The following KLHL32 variants were observed in gnomAD, a reference collection of about 807,000 sequenced individuals.
The protein encoded by KLHL32 is kelch-like protein 32.
KLHL32 carries 35 observed loss-of-function variants against 64.8 expected under a neutral mutation model. The observed-to-expected ratio is 0.54, with a 90% CI of 0.41 to 0.72. The LOEUF is 0.72. Ranked by LOEUF, KLHL32 falls within the 30% of genes least tolerant of loss-of-function variation. The pLI is 0.00. For missense variants in KLHL32, 589 were observed against 768.5 expected, an observed-to-expected ratio of 0.77 and a Z score of 2.76; for synonymous variants, 259 against 281.0, an observed-to-expected ratio of 0.92 and a Z score of 0.78.
chr6:97,120,005 C>T (rs1172342476), intron 7 of KLHL32, among the ~76,000 whole-genome samples: 1 of 151,890 alleles, frequency 6.6e-6, no homozygotes, highest in Non-Finnish European at 1.5e-5. Flanking sequence ...GCAAGTGCAC[C>T]GAGCATATAT....
chr6:97,132,724 A>G lies in KLHL32; in HGVS notation c.1678A>G (p.Asn560Asp), dbSNP rs751577682. 29 of 1,612,810 alleles carry G rather than the reference A, an allele frequency of 1.8e-5. 1 individual carries two copies. The highest frequency in any genetic ancestry group is 4.0e-5 in the African/African-American group (3 of 74,878). Residue 560 changes from asparagine (N) to aspartate (D), a missense_variant, in exon 10 of 11, where the codon AAT (asparagine) becomes GAT (aspartate). Asn to Asp is a conservative substitution (Grantham distance 23). Transcript: ENST00000369261. ...AGTTGGTGGATATTCAATTTGGACAAATGAGCCTCTGGCTTGTATCCAGGT... is the reference window on the plus strand; with the variant it reads ...AGTTGGTGGATATTCAATTTGGACAGATGAGCCTCTGGCTTGTATCCAGGT... The part of the protein sequence containing the change: ...YLVGGYSIWT[N>D]EPLACIQVLD...
At chr6:97,026,425 A>G (rs926474903) in intron 3 of KLHL32, among the ~76,000 whole-genome samples, 9 of 152,162 alleles carry the variant, frequency 5.9e-5, no homozygotes, top group Non-Finnish European at 7.3e-5. Context: ...CTTCATATTC[A>G]TTGAGCTGAC....
intron 3 of KLHL32, among the ~76,000 whole-genome samples, chr6:97,031,123 T>C (rs1783475290): frequency 6.6e-6 from 1 of 152,186 alleles, no homozygotes; most frequent in Admixed American, 6.5e-5. Flanking sequence ...CTCTGGACAT[T>C]GTTTCACTAG....
At chr6:97,030,624 A>C (rs140052984) in intron 3 of KLHL32, among the ~76,000 whole-genome samples, 112 of 152,310 alleles carry the variant, frequency 7.4e-4, no homozygotes, top group Middle Eastern at 3.4e-3. Context: ...TCATATTTCT[A>C]AGCAGAACTT....
Position 97,108,378 on chromosome 6 carries a change from C to T in KLHL32, c.628-5405C>T, listed in dbSNP as rs75013514. Among the ~76,000 whole-genome samples, 120 of 151,896 alleles carry T rather than the reference C, an allele frequency of 7.9e-4. 1 individual carries two copies. Among genetic ancestry groups the T allele is most frequent in the East Asian group, 5.6e-3 (29 of 5,160 alleles). ...AATAATTTTTTTCAAGCTTAAGCAC[C>T]GAAATATACCACAAAGCTAACTGTT... On this transcript the variant is annotated intron_variant, in intron 6 of 10. Transcript: ENST00000369261.
chr6:96,962,612 C>A (rs1267074016), intron 1 of KLHL32, among the ~76,000 whole-genome samples: 1 of 152,140 alleles, frequency 6.6e-6, no homozygotes, highest in Non-Finnish European at 1.5e-5. Flanking sequence ...CACAGAGATA[C>A]CTGTCACTGG....
intron 6 of KLHL32, among the ~76,000 whole-genome samples, chr6:97,102,402 C>A (rs1387603714): frequency 6.6e-6 from 1 of 152,000 alleles, no homozygotes; most frequent in Non-Finnish European, 1.5e-5. Flanking sequence ...CTTTTATTGA[C>A]CAAATTGGTT....
At chr6:97,086,286 A>G (rs1208405304) in intron 6 of KLHL32, among the ~76,000 whole-genome samples, 1 of 152,222 alleles carries the variant, frequency 6.6e-6, no homozygotes, top group Non-Finnish European at 1.5e-5. Flanking sequence ...AAATTGTCAT[A>G]TAGGTAGCTG....
At chr6:96,989,024 C>T (rs1238882814) in intron 3 of KLHL32, among the ~76,000 whole-genome samples, 4 of 152,134 alleles carry the variant, frequency 2.6e-5, no homozygotes, top group African/African-American at 9.7e-5. Context: ...TTAATGGGTG[C>T]AGCACACCAG....
intron 3 of KLHL32, among the ~76,000 whole-genome samples, chr6:97,039,098 A>AAAAAAAAG (rs929834176): frequency 4.6e-5 from 7 of 151,544 alleles, no homozygotes; most frequent in African/African-American, 9.7e-5. Context: ...TCAAAAAAAA[A>AAAAAAAAG]AAAAAAAGAA....
At chr6:96,935,763 A>G (rs1032393521) in intron 1 of KLHL32, among the ~76,000 whole-genome samples, 1 of 152,250 alleles carries the variant, frequency 6.6e-6, no homozygotes, top group Non-Finnish European at 1.5e-5. Flanking sequence ...GGAACAAAAT[A>G]TATGTAAATT....
At chr6:96,904,107 T>A in the KLHL32 span, among the ~76,000 whole-genome samples, 1 of 151,904 alleles carries the variant, frequency 6.6e-6, no homozygotes, top group Admixed American at 6.5e-5. Flanking sequence ...TTTGGGAGCC[T>A]GGGGCAGGCA....
At chr6:96,951,554 T>C (rs1255146963) in intron 1 of KLHL32, among the ~76,000 whole-genome samples, 6 of 152,098 alleles carry the variant, frequency 3.9e-5, no homozygotes, top group Admixed American at 1.3e-4. Flanking sequence ...ACCTTAGAGT[T>C]TGCCATCACT....
rs571057800 is a variant in KLHL32, at chr6:97,119,009, G to T, written c.1354+4500G>T. Among the ~76,000 whole-genome samples, 8 of 152,216 alleles carry T rather than the reference G, an allele frequency of 5.3e-5. No homozygotes were observed. In the South Asian group the frequency reaches 1.7e-3, roughly 32 times the overall value. On this transcript the variant is annotated intron_variant, in intron 7 of 10. Coordinates refer to ENST00000369261, the MANE Select transcript of KLHL32 (RefSeq NM_052904.4). ...GCCTAACTTAGCTGCGGGTCCATTGGCTACTTTCTATTATCCATTAACTCC... is the reference window on the plus strand; with the variant it reads ...GCCTAACTTAGCTGCGGGTCCATTGTCTACTTTCTATTATCCATTAACTCC...
At chr6:96,935,743 T>C (rs1770517513) in intron 1 of KLHL32, among the ~76,000 whole-genome samples, 1 of 152,148 alleles carries the variant, frequency 6.6e-6, no homozygotes, top group South Asian at 2.1e-4. Context: ...ATGTGCAGAA[T>C]AAATAAGAAG....
At chr6:96,913,009 T>C in the KLHL32 span, among the ~76,000 whole-genome samples, 5 of 152,334 alleles carry the variant, frequency 3.3e-5, no homozygotes, top group African/African-American at 1.2e-4. Flanking sequence ...TGAATATAGA[T>C]GCAAAATTAT....
At chr6:96,962,084 TA>T (rs2128026773) in intron 1 of KLHL32, among the ~76,000 whole-genome samples, 1 of 152,332 alleles carries the variant, frequency 6.6e-6, no homozygotes, top group Non-Finnish European at 1.5e-5. Context: ...AGTAAGTAAT[TA>T]AAAGCTAGCC....
intron 4 of KLHL32, among the ~76,000 whole-genome samples, chr6:97,061,501 C>T (rs1788892494): frequency 6.6e-6 from 1 of 152,130 alleles, no homozygotes; most frequent in African/African-American, 2.4e-5. Context: ...ATGTGTCAGG[C>T]CACTCACATT....
chr6:97,098,759 C>T (rs557928164), intron 6 of KLHL32, among the ~76,000 whole-genome samples: 1 of 152,254 alleles, frequency 6.6e-6, no homozygotes, highest in East Asian at 1.9e-4. Flanking sequence ...CACTGCAGTA[C>T]ACCACAAATG....
Sources: gnomAD v4.1 joint callset for allele counts (sites outside exome capture counted in the v4.1 genomes callset) on GRCh38, gnomAD v4.1.1 for gene constraint, MANE v1.5 for transcripts, NCBI Gene and HGNC (gene_info 2026-07-23, HGNC 2026-07-21) for gene names.